Variants in CLASP2 observed in about 807,000 individuals in gnomAD.
The protein encoded by CLASP2 is cytoplasmic linker associated protein 2.
Under a neutral mutation model 194.4 loss-of-function variants are expected in CLASP2, and 47 were observed. The observed-to-expected ratio is 0.24, with a 90% CI of 0.19 to 0.31. The LOEUF is 0.31. Ranked by LOEUF, CLASP2 falls within the 10% of genes least tolerant of loss-of-function variation. CLASP2 has a pLI of 1.00. For missense variants in CLASP2, 1,445 were observed against 1,823.6 expected, an observed-to-expected ratio of 0.79 and a Z score of 3.78; for synonymous variants, 619 against 633.5, an observed-to-expected ratio of 0.98 and a Z score of 0.34.
At chr3:33,619,112 C>T (rs775224415) in intron 12 of CLASP2, among the ~76,000 whole-genome samples, 2 of 152,042 alleles carry the variant, frequency 1.3e-5, no homozygotes, top group Non-Finnish European at 2.9e-5. Context: ...GATAGAGTAA[C>T]ACAATAGTAA....
intron 21 of CLASP2, among the ~76,000 whole-genome samples, chr3:33,585,913 A>T (rs1034582429): frequency 3.3e-5 from 5 of 152,186 alleles, no homozygotes; most frequent in Non-Finnish European, 7.3e-5. Flanking sequence ...TCTGAATGGT[A>T]CAGCAAAGCT....
chr3:33,620,894 A>G (rs1304669332), intron 11 of CLASP2, among the ~76,000 whole-genome samples: 2 of 152,128 alleles, frequency 1.3e-5, no homozygotes, highest in Non-Finnish European at 2.9e-5. Context: ...TACAGCTCCC[A>G]GGCATTCGTT....
Position 33,576,241 on chromosome 3 carries a change from C to A in CLASP2, c.2382G>T (p.Leu794=). ...PGYGISQSSR[L]SSSVSAMRVL... is the part of the protein sequence containing the mutation. ...CTCGCATGGCACTAACAGAAGACGA[C>A]AGTCGACTTGATTGGCTGATCCCAT... The change falls in exon 24 of 39, where the codon CTG becomes CTT. Residue 794 remains leucine, a synonymous_variant. Transcript: ENST00000682230. 6.2e-7 allele frequency: 1 copy of A among 1,613,810 alleles called. No individual in the cohort carries two copies. Among genetic ancestry groups the A allele is most frequent in the African/African-American group, 1.3e-5 (1 of 75,028 alleles).
chr3:33,563,734 T>A (rs777558384), intron 27 of CLASP2, among the ~76,000 whole-genome samples: 8 of 152,144 alleles, frequency 5.3e-5, no homozygotes, highest in Non-Finnish European at 1.2e-4. Flanking sequence ...TCAACTCATG[T>A]CTCTTTGTTA....
At chr3:33,666,556 A>G (rs953367213) in intron 6 of CLASP2, among the ~76,000 whole-genome samples, 1 of 152,228 alleles carries the variant, frequency 6.6e-6, no homozygotes, top group African/African-American at 2.4e-5. Context: ...GTGACCAAAT[A>G]ATATTCCATC....
intron 26 of CLASP2, among the ~76,000 whole-genome samples, chr3:33,568,546 CTT>C (rs1379570111): frequency 3.0e-5 from 2 of 65,646 alleles, no homozygotes; most frequent in African/African-American, 1.4e-4. Flanking sequence ...AGAAAGAGAT[CTT>C]GTCTCAAAAA....
intron 6 of CLASP2, among the ~76,000 whole-genome samples, chr3:33,668,907 T>C (rs191244995): frequency 1.2e-4 from 18 of 152,252 alleles, no homozygotes; most frequent in African/African-American, 3.9e-4. Context: ...GAGGGAGAAA[T>C]GGTAAGAATG....
chr3:33,670,174 A>C (rs944216937), intron 6 of CLASP2, among the ~76,000 whole-genome samples: 9 of 152,206 alleles, frequency 5.9e-5, no homozygotes, highest in Non-Finnish European at 1.2e-4. Flanking sequence ...AACACAAAAA[A>C]GTATATGATT....
rs114756480 is a variant in CLASP2 at position 33,545,460 on chromosome 3, C to G, written c.3154-619G>C. The stretch of plus-strand genomic sequence containing the variant: ...CACTTCATTTTGGACTTTTCTGAAC[C>G]CACTCTATGAAAAATACACCTGAAT... On this transcript the variant is annotated intron_variant, in intron 30 of 38. Transcript: ENST00000682230. 6.9e-3 allele frequency among the ~76,000 whole-genome samples: 1,057 copies of G among 152,140 alleles called. 13 individuals carry two copies. The highest frequency in any genetic ancestry group is 0.023 in the African/African-American group (965 of 41,488).
rs142959913 is a variant in CLASP2, at chr3:33,547,084, C to G, written c.3154-2243G>C. On this transcript the variant is annotated intron_variant, in intron 30 of 38. Coordinates refer to ENST00000682230, the MANE Select transcript of CLASP2 (RefSeq NM_001365631.1). ...ATAGATTTTTGGATGTTAATCTAAC[C>G]TTACATTCCTGGGATAAATCCCTCT... 1.6e-4 allele frequency among the ~76,000 whole-genome samples: 24 copies of G among 152,252 alleles called. No individual in the cohort carries two copies. The East Asian group carries it at 4.6e-3, about 29-fold the overall frequency.
At chr3:33,639,109 G>C (rs1457593483) in intron 8 of CLASP2, among the ~76,000 whole-genome samples, 1 of 152,160 alleles carries the variant, frequency 6.6e-6, no homozygotes, top group Non-Finnish European at 1.5e-5. Context: ...ATGGGCTGGA[G>C]CGCAGTGGTG....
chr3:33,610,050 A>T (rs2074801641), intron 13 of CLASP2, among the ~76,000 whole-genome samples: 1 of 152,222 alleles, frequency 6.6e-6, no homozygotes, highest in African/African-American at 2.4e-5. Flanking sequence ...ATACGTTTTG[A>T]ACTTGTTAAT....
Position 33,589,295 on chromosome 3 carries a change from C to G in CLASP2, c.2068+3100G>C, listed in dbSNP as rs78665496. ...TTGTCATAAATATAGATCTAGTGCT[C>G]TCTCCATTGAGTCTCCATTTATTTA... On this transcript the variant is annotated intron_variant, in intron 21 of 38. Transcript: ENST00000682230. Among the ~76,000 whole-genome samples the G allele has an allele frequency of 1.4e-4, 21 of 152,190 alleles. No homozygotes were observed. The East Asian group carries it at 3.1e-3, about 22-fold the overall frequency.
chr3:33,518,216 T>C (rs549798729), intron 34 of CLASP2, among the ~76,000 whole-genome samples: 5 of 152,334 alleles, frequency 3.3e-5, no homozygotes, highest in Admixed American at 2.6e-4. Flanking sequence ...TGATTTGTTT[T>C]TGCCTTCTTT....
chr3:33,534,277 C>G (rs930089573), intron 34 of CLASP2, among the ~76,000 whole-genome samples: 8 of 151,964 alleles, frequency 5.3e-5, no homozygotes, highest in African/African-American at 1.9e-4. Flanking sequence ...TAAAAAATAA[C>G]TAGGACAGGC....
intron 6 of CLASP2, among the ~76,000 whole-genome samples, chr3:33,673,705 G>A (rs1487933301): frequency 2.6e-5 from 4 of 152,092 alleles, no homozygotes; most frequent in Admixed American, 2.0e-4. Flanking sequence ...CCCATCTCAC[G>A]TGCACAGACA....
At chr3:33,630,636 T>G (rs1401414639) in intron 9 of CLASP2, among the ~76,000 whole-genome samples, 1 of 151,038 alleles carries the variant, frequency 6.6e-6, no homozygotes, top group Non-Finnish European at 1.5e-5. Context: ...CTTAGGGGAG[T>G]TGCTGCTTAT....
intron 34 of CLASP2, among the ~76,000 whole-genome samples, chr3:33,528,133 C>T (rs1243779661): frequency 6.6e-6 from 1 of 152,080 alleles, no homozygotes; most frequent in African/African-American, 2.4e-5. Flanking sequence ...AACGCTGGCT[C>T]AACATTCACA....
chr3:33,521,525 A>T (rs150603006), intron 34 of CLASP2, among the ~76,000 whole-genome samples: 96 of 152,282 alleles, frequency 6.3e-4, no homozygotes, highest in African/African-American at 2.0e-3. Flanking sequence ...ATCAGACAAA[A>T]CTACATTCAG....
Sources: allele counts gnomAD v4.1 joint callset (sites outside exome capture counted in the v4.1 genomes callset), GRCh38; gene constraint gnomAD v4.1.1; transcripts MANE v1.5; gene names NCBI Gene and HGNC (gene_info 2026-07-23, HGNC 2026-07-21).